Variants in CTNNA3 observed in about 807,000 individuals in gnomAD.
CTNNA3 encodes the protein catenin alpha-3.
A neutral mutation model predicts 95.7 loss-of-function variants in CTNNA3; 76 were observed. The ratio of observed to expected loss-of-function variants is 0.79; its 90% CI spans 0.66 to 0.96. The LOEUF (loss-of-function observed/expected upper bound fraction) is 0.96. CTNNA3 is among the 40% of genes least tolerant of loss of function. The probability of loss-of-function intolerance (pLI) is 0.00; values close to 1 mark genes in which losing one functional copy is unlikely to be tolerated. For missense variants in CTNNA3, 1,191 were observed against 1,089.8 expected, an observed-to-expected ratio of 1.09 and a Z score of -1.31; for synonymous variants, 431 against 374.4, an observed-to-expected ratio of 1.15 and a Z score of -1.74.
chr10:66,168,197 T>C (rs1218888246), intron 13 of CTNNA3, among the ~76,000 whole-genome samples: 1 of 152,180 alleles, frequency 6.6e-6, no homozygotes. Context: ...TATTACTTTG[T>C]AGTTCTTATA....
intron 15 of CTNNA3, among the ~76,000 whole-genome samples, chr10:66,046,080 C>T (rs926181715): frequency 7.2e-5 from 11 of 152,092 alleles, no homozygotes; most frequent in Non-Finnish European, 1.3e-4. Flanking sequence ...TGGATGATTA[C>T]AACTAATCAA....
At chr10:66,661,751 G>A (rs1410484844) in intron 9 of CTNNA3, among the ~76,000 whole-genome samples, 2 of 152,124 alleles carry the variant, frequency 1.3e-5, no homozygotes, top group African/African-American at 2.4e-5. Context: ...GTTGATGCAG[G>A]CTTTATCACC....
chr10:67,034,196 C>G (rs1259466747), intron 7 of CTNNA3, among the ~76,000 whole-genome samples: 1 of 152,166 alleles, frequency 6.6e-6, no homozygotes, highest in East Asian at 1.9e-4. Flanking sequence ...CTGTACTATC[C>G]TTTGCCTGGT....
chr10:67,147,463 T>C (rs1860900110), intron 7 of CTNNA3, among the ~76,000 whole-genome samples: 1 of 152,200 alleles, frequency 6.6e-6, no homozygotes, highest in Admixed American at 6.5e-5. Context: ...AAATAAATAT[T>C]TCACTAAAGC....
intron 7 of CTNNA3, among the ~76,000 whole-genome samples, chr10:66,997,281 C>A (rs117899583): frequency 1.3e-5 from 2 of 152,086 alleles, no homozygotes; most frequent in Admixed American, 6.6e-5. Context: ...CTGATACAAT[C>A]TCTTATAAAA....
intron 17 of CTNNA3, among the ~76,000 whole-genome samples, chr10:65,932,242 A>T (rs571257057): frequency 3.3e-5 from 5 of 152,326 alleles, no homozygotes; most frequent in Admixed American, 2.6e-4. Context: ...GAGGATCCAG[A>T]TTAATGATAT....
At chr10:67,349,279 A>T (rs1842546992) in intron 5 of CTNNA3, among the ~76,000 whole-genome samples, 1 of 152,214 alleles carries the variant, frequency 6.6e-6, no homozygotes, top group African/African-American at 2.4e-5. Flanking sequence ...ACTATCTACA[A>T]TAGCTAAAAT....
At chr10:67,341,140 A>T (rs1293755098) in intron 5 of CTNNA3, among the ~76,000 whole-genome samples, 1 of 152,208 alleles carries the variant, frequency 6.6e-6, no homozygotes, top group East Asian at 1.9e-4. Flanking sequence ...TAATAATCAC[A>T]TCATGGAGGA....
At chr10:67,100,210 T>A (rs914007402) in intron 7 of CTNNA3, among the ~76,000 whole-genome samples, 23 of 151,746 alleles carry the variant, frequency 1.5e-4, no homozygotes, top group Admixed American at 6.6e-5. Flanking sequence ...CTTTCTTAAA[T>A]ATTTTAAATT....
At chr10:66,597,560 T>G (rs187857795) in intron 10 of CTNNA3, among the ~76,000 whole-genome samples, 92 of 118,914 alleles carry the variant, frequency 7.7e-4, no homozygotes, top group African/African-American at 2.7e-3. Context: ...ATATATTTAT[T>G]AAAAATTTTA....
At chr10:66,411,969 C>A (rs1217099395) in intron 11 of CTNNA3, among the ~76,000 whole-genome samples, 2 of 152,120 alleles carry the variant, frequency 1.3e-5, no homozygotes, top group East Asian at 3.9e-4. Flanking sequence ...AAGGAGATGA[C>A]CTATCCCCAT....
At position 67,180,456 on chromosome 10, in the gene CTNNA3, C is replaced by G. The variant is rs780671006; in HGVS notation, c.908G>C (p.Arg303Pro). ...EEEIRPSLEK[R>P]LEAIISGAAL... ...AGCCCCACTGATAATGGCTTCAAGG[C>G]GTTTCTCTAGTGATGGTCGTATTTC... Residue 303 changes from arginine (R) to proline (P), a missense_variant, in exon 7 of 18, where the codon CGC becomes CCC. Arg to Pro is a moderately radical substitution (Grantham distance 103). Transcript: ENST00000433211. 6.2e-7 allele frequency: 1 copy of G among 1,613,728 alleles called. No homozygotes were observed. Among genetic ancestry groups the G allele is most frequent in the Admixed American group, 1.7e-5 (1 of 59,956 alleles).
intron 7 of CTNNA3, among the ~76,000 whole-genome samples, chr10:66,997,929 T>C (rs1302636849): frequency 6.6e-6 from 1 of 152,116 alleles, no homozygotes; most frequent in Non-Finnish European, 1.5e-5. Context: ...ATATTGCAAA[T>C]CTATTTGTTC....
intron 7 of CTNNA3, among the ~76,000 whole-genome samples, chr10:66,855,577 G>A (rs955147071): frequency 1.1e-4 from 16 of 151,906 alleles, no homozygotes; most frequent in African/African-American, 3.6e-4. Context: ...ACACAATCAA[G>A]GCCAAATCCA....
chr10:67,493,577 AGT>A (rs1838933812), intron 5 of CTNNA3, among the ~76,000 whole-genome samples: 1 of 150,430 alleles, frequency 6.6e-6, no homozygotes, highest in Non-Finnish European at 1.5e-5. Flanking sequence ...AAAAAAAAAA[AGT>A]TTGATTTTAT....
intron 7 of CTNNA3, among the ~76,000 whole-genome samples, chr10:67,103,587 C>A (rs983834944): frequency 6.6e-6 from 1 of 151,554 alleles, no homozygotes. Flanking sequence ...GAAAATAAGG[C>A]TCATAGTAAT....
chr10:67,750,892 G>T, intron 1 of CTNNA3: 1 of 1,610,812 alleles, frequency 6.2e-7, no homozygotes, highest in South Asian at 1.1e-5. Flanking sequence ...CCACTCCAAG[G>T]GCATCACCAT....
At chr10:66,557,218 A>T (rs915392142) in intron 10 of CTNNA3, among the ~76,000 whole-genome samples, 1 of 152,146 alleles carries the variant, frequency 6.6e-6, no homozygotes, top group African/African-American at 2.4e-5. Flanking sequence ...CATATGCTAC[A>T]AAATGGGGAA....
At chr10:67,115,304 T>C (rs1859119449) in intron 7 of CTNNA3, among the ~76,000 whole-genome samples, 1 of 151,458 alleles carries the variant, frequency 6.6e-6, no homozygotes, top group South Asian at 2.1e-4. Flanking sequence ...GCTGTAGATA[T>C]TATGTTTTTC....
Sources: gnomAD v4.1 joint callset for allele counts (sites outside exome capture counted in the v4.1 genomes callset) on GRCh38, gnomAD v4.1.1 for gene constraint, MANE v1.5 for transcripts, NCBI Gene and HGNC (gene_info 2026-07-23, HGNC 2026-07-21) for gene names.